The following DLEC1 variants were observed in gnomAD, a reference collection of about 807,000 sequenced individuals.
DLEC1 encodes the protein deleted in lung and esophageal cancer protein 1.
A neutral mutation model predicts 198.1 loss-of-function variants in DLEC1; 146 were observed. That is an observed-to-expected ratio of 0.74 (90% CI 0.64 to 0.85). The LOEUF is 0.85. DLEC1 is among the 40% of genes least tolerant of loss of function. The pLI, the probability that DLEC1 is intolerant of heterozygous loss-of-function variation, is 0.00. For missense variants in DLEC1, 2,233 were observed against 2,220.0 expected, an observed-to-expected ratio of 1.01 and a Z score of -0.12; for synonymous variants, 897 against 866.8, an observed-to-expected ratio of 1.03 and a Z score of -0.61.
chr3:38,063,051 T>TTGGAGCAATCTGGGTCAAA (rs1464848085), intron 5 of DLEC1, among the ~76,000 whole-genome samples: 3 of 152,156 alleles, frequency 2.0e-5, no homozygotes, highest in Non-Finnish European at 4.4e-5. Context: ...TTTATTTACA[T>TTGGAGCAATCTGGGTCAAA]TGGAGCAATC....
chr3:38,047,769 G>A lies in DLEC1; in HGVS notation c.562+2076G>A, dbSNP rs79778322. On this transcript the variant is annotated intron_variant, in intron 2 of 36. Coordinates refer to ENST00000308059, the MANE Select transcript of DLEC1 (RefSeq NM_007335.4). ...TGGTTGCTATCTCTCCTTTCATGATGCTGGCAGCCTTTTTATTTTATTATT... is the reference window on the plus strand; with the variant it reads ...TGGTTGCTATCTCTCCTTTCATGATACTGGCAGCCTTTTTATTTTATTATT... Among the ~76,000 whole-genome samples, 52 of 152,272 alleles carry A rather than the reference G, an allele frequency of 3.4e-4. 1 individual carries two copies. The East Asian group carries it at 9.6e-3, about 28-fold the overall frequency.
intron 7 of DLEC1, 71 bp from the exon 8 acceptor site, chr3:38,085,203 T>C: frequency 6.4e-7 from 1 of 1,558,070 alleles, no homozygotes; most frequent in Non-Finnish European, 8.9e-7. Context: ...CTGGGGTCTG[T>C]ACCAGCTGAG....
chr3:38,116,746 T>C (rs200121888), intron 28 of DLEC1, 27 bp from the exon 29 acceptor site: 106 of 1,608,554 alleles, frequency 6.6e-5, no homozygotes, highest in Middle Eastern at 1.6e-4. Flanking sequence ...AGTGACTGCG[T>C]GAACCTCAGT....
Position 38,122,013 on chromosome 3 carries a change from C to T in DLEC1, c.5021-58C>T, listed in dbSNP as rs542836502. ...CAGGCCCGGGGGTGGGTAAAGTCTT[C>T]CTGTGGGAGTACATGGGGCTGCCTG... On this transcript the variant is annotated intron_variant, in intron 35 of 36. Coordinates refer to ENST00000308059, the MANE Select transcript of DLEC1 (RefSeq NM_007335.4). 19 of 1,599,278 alleles carry T rather than the reference C, an allele frequency of 1.2e-5. No homozygotes were observed. In the South Asian group the frequency reaches 1.9e-4, roughly 16 times the overall value.
At chr3:38,058,097 C>T (rs1007338892) in intron 2 of DLEC1, among the ~76,000 whole-genome samples, 6 of 152,214 alleles carry the variant, frequency 3.9e-5, no homozygotes, top group East Asian at 1.9e-4. Context: ...CCACCGTGCC[C>T]GGCCCACTGT....
At chr3:38,099,547 A>G (rs1372451693) in intron 18 of DLEC1, among the ~76,000 whole-genome samples, 3 of 152,050 alleles carry the variant, frequency 2.0e-5, no homozygotes, top group African/African-American at 7.3e-5. Flanking sequence ...CTGAAACCCA[A>G]CCCTAGACTA....
At chr3:38,083,897 C>T (rs146841215) in intron 6 of DLEC1, among the ~76,000 whole-genome samples, 210 of 151,964 alleles carry the variant, frequency 1.4e-3, no homozygotes, top group African/African-American at 4.2e-3. Context: ...CCCAAAGTGC[C>T]GGGATTACAG....
In DLEC1 at chr3:38,097,554, C is replaced by A. The variant is rs1009640602; in HGVS notation, c.2482C>A (p.Pro828Thr). ...TGAGTTGAACTTTACTGGGGGTGTCCCTGGCCCCACAAGCCAGGACCTGCT... is the reference window on the plus strand; with the variant it reads ...TGAGTTGAACTTTACTGGGGGTGTCACTGGCCCCACAAGCCAGGACCTGCT... ...DFELNFTGGV[P>T]GPTSQDLLCE... Residue 828 changes from proline to threonine, a missense_variant, in exon 17 of 37, where the codon CCT (proline) becomes ACT (threonine). Transcript: ENST00000308059. 1 of 1,614,074 alleles carries A rather than the reference C, an allele frequency of 6.2e-7. No individual in the cohort carries two copies. Among genetic ancestry groups the A allele is most frequent in the African/African-American group, 1.3e-5 (1 of 74,920 alleles).
rs1475243547 is a variant in DLEC1, at chr3:38,061,754, A to G, written c.674-415A>G. Among the ~76,000 whole-genome samples the G allele has an allele frequency of 2.6e-5, 4 of 151,966 alleles. No homozygotes were observed. The East Asian group carries it at 7.7e-4, about 29-fold the overall frequency. On this transcript the variant is annotated intron_variant, in intron 3 of 36. Coordinates refer to ENST00000308059, the MANE Select transcript of DLEC1 (RefSeq NM_007335.4). ...ACAACCATAACTCACTACAACCTTG[A>G]CCTCCTGTGCTGAAGTAATTCTCCC...
intron 19 of DLEC1, among the ~76,000 whole-genome samples, chr3:38,101,785 G>A (rs1699320146): frequency 6.6e-6 from 1 of 152,184 alleles, no homozygotes; most frequent in South Asian, 2.1e-4. Context: ...GTCTAGGTAT[G>A]AGTCTTTGCA....
intron 12 of DLEC1, 38 bp downstream of exon 12, chr3:38,093,805 T>C (rs1442779837): frequency 6.2e-7 from 1 of 1,607,120 alleles, no homozygotes; most frequent in Non-Finnish European, 8.5e-7. Context: ...ACCCAACCCT[T>C]CTTCTTGCTT....
rs552471274 is a variant in DLEC1, at chr3:38,076,297, C to T, written c.1174-7861C>T. On this transcript the variant is annotated intron_variant, in intron 6 of 36. Transcript: ENST00000308059. The stretch of plus-strand genomic sequence containing the variant: ...CTGAGGTCGTAGGTGGTTTCATGTG[C>T]GTCCGTGTGAAGAGACCACCAAACA... 6.9e-4 allele frequency among the ~76,000 whole-genome samples: 105 copies of T among 152,222 alleles called. 1 individual carries two copies. In the Middle Eastern group the frequency reaches 0.024, roughly 35 times the overall value.
At chr3:38,068,219 A>G (rs1043369679) in intron 6 of DLEC1, among the ~76,000 whole-genome samples, 1 of 134,394 alleles carries the variant, frequency 7.4e-6, no homozygotes, top group Admixed American at 7.6e-5. Flanking sequence ...TGTAGACTTC[A>G]TTTCTTTTTT....
At chr3:38,080,020 G>A (rs1422546434) in intron 6 of DLEC1, among the ~76,000 whole-genome samples, 2 of 152,178 alleles carry the variant, frequency 1.3e-5, no homozygotes, top group Non-Finnish European at 2.9e-5. Context: ...ACCTTTTAGG[G>A]TCTAGGGCTG....
chr3:38,053,922 G>A (rs1696188700), intron 2 of DLEC1, among the ~76,000 whole-genome samples: 1 of 152,128 alleles, frequency 6.6e-6, no homozygotes, highest in Non-Finnish European at 1.5e-5. Flanking sequence ...TGAAACATGT[G>A]CTGTTTCCAC....
At chr3:38,113,692 A>G (rs984933192) in intron 25 of DLEC1, among the ~76,000 whole-genome samples, 5 of 150,948 alleles carry the variant, frequency 3.3e-5, no homozygotes, top group Non-Finnish European at 5.9e-5. Flanking sequence ...CTCTGTCTCA[A>G]TAATAATAAT....
At position 38,085,397 on chromosome 3, in the gene DLEC1, A is replaced by C; in HGVS notation, c.1385A>C (p.His462Pro). Reference sequence around the variant, plus strand: ...ATTTTAGTGGAGACCCAGTCAGCCCACACACTTCTGATCCCCCTGCAGGCC... The same window carrying C: ...ATTTTAGTGGAGACCCAGTCAGCCCCCACACTTCTGATCCCCCTGCAGGCC... ...DFILVETQSA[H>P]TLLIPLQARR... is the part of the protein sequence containing the mutation. The change falls in exon 8 of 37, where the codon CAC becomes CCC. Residue 462 changes from histidine to proline, a missense_variant. Physicochemically the swap from His to Pro is moderately conservative, Grantham distance 77 (BLOSUM62 -2). Coordinates refer to ENST00000308059, the MANE Select transcript of DLEC1 (RefSeq NM_007335.4). The C allele has an allele frequency of 6.2e-7, 1 of 1,614,088 alleles. No homozygotes were observed.
At chr3:38,056,723 A>G (rs538170672) in intron 2 of DLEC1, among the ~76,000 whole-genome samples, 49 of 152,278 alleles carry the variant, frequency 3.2e-4, no homozygotes, top group African/African-American at 1.1e-3. Context: ...ACTAGCTTTC[A>G]TCTTAAAAAA....
rs1700606735 is a variant in DLEC1 at position 38,123,877 on chromosome 3, T to G, written c.*1465T>G. ...TTAGCTGGGTGTGGTGGCAGACACC[T>G]ATAATCCCAGATACTCGGGAGGCTG... On this transcript the variant is annotated 3_prime_UTR_variant, in exon 37 of 37. Transcript: ENST00000308059. The G allele has an allele frequency of 6.6e-6, 1 of 151,804 alleles. No individual in the cohort carries two copies. The allele number at this position is 151,804 out of a possible 1,614,324, so 9.4% of individuals were successfully genotyped here.
Sources: allele counts gnomAD v4.1 joint callset (sites outside exome capture counted in the v4.1 genomes callset), GRCh38; gene constraint gnomAD v4.1.1; transcripts MANE v1.5; gene names NCBI Gene and HGNC (gene_info 2026-07-23, HGNC 2026-07-21).